The following TCF20 variants were observed in gnomAD, a reference collection of about 807,000 sequenced individuals.
TCF20 encodes SPRE-binding protein.
In TCF20, 3 loss-of-function variants were observed where a neutral mutation model predicts 148.6. That is an observed-to-expected ratio of 0.02 (90% CI 0.01 to 0.05). The LOEUF (loss-of-function observed/expected upper bound fraction) is 0.05. Among genes scored for constraint, TCF20 ranks in the 10% least tolerant of loss-of-function variants. The pLI is 1.00. For missense variants in TCF20, 2,350 were observed against 2,429.3 expected, an observed-to-expected ratio of 0.97 and a Z score of 0.69; for synonymous variants, 1,049 against 909.5, an observed-to-expected ratio of 1.15 and a Z score of -2.76.
rs530881033 is a variant in TCF20 at position 42,323,352 on chromosome 22, G to A, written c.-37+20127C>T. Among the ~76,000 whole-genome samples the A allele has an allele frequency of 1.4e-3, 206 of 151,912 alleles. 1 individual carries two copies. The highest frequency in any genetic ancestry group is 4.7e-3 in the African/African-American group (196 of 41,496). ...TGGCAGCCAGGGGCAGCCAGGGCCA[G>A]CATGGAGGGGCCATTCAGACAGCAG... On this transcript the variant is annotated intron_variant, in intron 1 of 1. Transcript: ENST00000515426.
chr22:42,224,534 CAAAAAAAAAAAA>C (rs66858906), intron 1 of TCF20, among the ~76,000 whole-genome samples: 4 of 39,566 alleles, frequency 1.0e-4, no homozygotes, highest in East Asian at 8.7e-4. Flanking sequence ...AAAGCTGGTA[CAAAAAAAAAAAA>C]AAAAAAAAAA....
chr22:42,177,308 G>GGGAGGCTGTGGCA, intron 3 of TCF20, among the ~76,000 whole-genome samples: 1 of 152,138 alleles, frequency 6.6e-6, no homozygotes, highest in African/African-American at 2.4e-5. Flanking sequence ...CCAGCTACTC[G>GGGAGGCTGTGGCA]GGAGGCTGTG....
intron 2 of TCF20, among the ~76,000 whole-genome samples, chr22:42,206,233 G>T (rs1034455753): frequency 2.6e-5 from 4 of 152,170 alleles, no homozygotes; most frequent in African/African-American, 9.6e-5. Flanking sequence ...AACACTGTCA[G>T]ATGGTCACAT....
rs1921191050 is a variant in TCF20 at position 42,213,059 on chromosome 22, G to C, written c.2247C>G (p.Phe749Leu). ...HGERKGRNEK[F>L]PSLLQEVLQG... The stretch of plus-strand genomic sequence containing the variant: ...GAAGCACTTCCTGCAGGAGGCTTGG[G>C]AATTTTTCATTTCTACCCTTTCGTT... Residue 749 changes from phenylalanine to leucine, a missense_variant, in exon 2 of 6, where the codon TTC (phenylalanine) becomes TTG (leucine). Transcript: ENST00000677622. 1 of 1,613,974 alleles carries C rather than the reference G, an allele frequency of 6.2e-7. No homozygotes were observed. The highest frequency in any genetic ancestry group is 1.3e-5 in the African/African-American group (1 of 74,908).
chr22:42,194,031 A>T (rs768392677), intron 2 of TCF20, among the ~76,000 whole-genome samples: 21 of 152,314 alleles, frequency 1.4e-4, no homozygotes, highest in Non-Finnish European at 3.1e-4. Flanking sequence ...CCAATGACTA[A>T]GGGATTTCAG....
intron 1 of TCF20, among the ~76,000 whole-genome samples, chr22:42,251,111 T>C (rs1045769596): frequency 2.6e-5 from 4 of 152,314 alleles, no homozygotes; most frequent in Middle Eastern, 3.4e-3. Flanking sequence ...CAGGGACACA[T>C]ATCCAAACTA....
chr22:42,321,617 C>T (rs1295873966), intron 1 of TCF20, among the ~76,000 whole-genome samples: 1 of 151,780 alleles, frequency 6.6e-6, no homozygotes, highest in Non-Finnish European at 1.5e-5. Context: ...ACTAGCAAAT[C>T]GCTGGTTTGC....
intron 1 of TCF20, among the ~76,000 whole-genome samples, chr22:42,293,892 C>T (rs994661086): frequency 1.3e-5 from 2 of 152,190 alleles, no homozygotes; most frequent in Non-Finnish European, 2.9e-5. Flanking sequence ...CCCAGCTACT[C>T]AGGAGGCTGA....
intron 1 of TCF20, among the ~76,000 whole-genome samples, chr22:42,263,147 G>C (rs1465548989): frequency 6.6e-6 from 1 of 152,178 alleles, no homozygotes; most frequent in East Asian, 1.9e-4. Context: ...AATGCCAAAA[G>C]TCACTGATAG....
intron 1 of TCF20, among the ~76,000 whole-genome samples, chr22:42,302,252 C>T (rs540605567): frequency 3.9e-5 from 6 of 152,268 alleles, no homozygotes; most frequent in Admixed American, 6.5e-5. Flanking sequence ...AGGACTGACA[C>T]TAGATGGCAC....
intron 2 of TCF20, among the ~76,000 whole-genome samples, chr22:42,187,562 T>C (rs1278169316): frequency 6.6e-6 from 1 of 152,206 alleles, no homozygotes; most frequent in Non-Finnish European, 1.5e-5. Context: ...GTGTGGCCGT[T>C]TTGGCGGCAT....
chr22:42,334,964 C>T (rs9623566), intron 1 of TCF20, among the ~76,000 whole-genome samples: 55,059 of 152,018 alleles, frequency 0.36, 10,771 homozygotes, highest in East Asian at 0.58. Flanking sequence ...AGACTCCACA[C>T]CCCATCCCGT....
At chr22:42,240,082 T>C (rs962064417) in intron 1 of TCF20, among the ~76,000 whole-genome samples, 1 of 152,254 alleles carries the variant, frequency 6.6e-6, no homozygotes, top group Non-Finnish European at 1.5e-5. Flanking sequence ...ACTGTAAGTC[T>C]GGCAATGTTC....
intron 1 of TCF20, among the ~76,000 whole-genome samples, chr22:42,245,452 T>G (rs5996135): frequency 6.6e-6 from 1 of 152,010 alleles, no homozygotes; most frequent in Non-Finnish European, 1.5e-5. Context: ...AGATGCTATC[T>G]GGGAGGTTTC....
intron 1 of TCF20, among the ~76,000 whole-genome samples, chr22:42,325,196 C>T (rs1432107355): frequency 6.6e-6 from 1 of 152,228 alleles, no homozygotes; most frequent in Non-Finnish European, 1.5e-5. Flanking sequence ...ACTGGGCACT[C>T]GGATACTCTA....
intron 1 of TCF20, among the ~76,000 whole-genome samples, chr22:42,300,071 G>A (rs373075056): frequency 9.9e-5 from 15 of 152,244 alleles, no homozygotes; most frequent in African/African-American, 3.1e-4. Context: ...TCGTTCCTTC[G>A]CTGGTAGAAG....
intron 3 of TCF20, among the ~76,000 whole-genome samples, chr22:42,174,174 C>A (rs1181016033): frequency 2.0e-5 from 3 of 152,044 alleles, no homozygotes; most frequent in Admixed American, 6.6e-5. Flanking sequence ...TAGCTCTAAG[C>A]CTGTGCTGTT....
chr22:42,308,827 C>T (rs1927480779), intron 1 of TCF20, among the ~76,000 whole-genome samples: 1 of 152,126 alleles, frequency 6.6e-6, no homozygotes, highest in African/African-American at 2.4e-5. Context: ...GGCTCCCTGT[C>T]GCTGGCCAGG....
intron 1 of TCF20, among the ~76,000 whole-genome samples, chr22:42,268,886 G>C (rs1299295279): frequency 6.6e-6 from 1 of 152,186 alleles, no homozygotes; most frequent in African/African-American, 2.4e-5. Context: ...TTAAAGACAG[G>C]CTTTTAAAAG....
Sources: allele counts gnomAD v4.1 joint callset (sites outside exome capture counted in the v4.1 genomes callset), GRCh38; gene constraint gnomAD v4.1.1; transcripts MANE v1.5; gene names NCBI Gene and HGNC (gene_info 2026-07-23, HGNC 2026-07-21).